The following LAMA4 variants were observed in gnomAD, a reference collection of about 807,000 sequenced individuals.
LAMA4 encodes laminin subunit alpha 4, also known as laminin subunit alpha-4.
Under a neutral mutation model 207.1 loss-of-function variants are expected in LAMA4, and 127 were observed. The observed-to-expected ratio is 0.61, with a 90% confidence interval of 0.53 to 0.71. LAMA4 has a LOEUF of 0.71. Ranked by LOEUF, LAMA4 falls within the 30% of genes least tolerant of loss-of-function variation. The pLI, the probability that LAMA4 is intolerant of heterozygous loss-of-function variation, is 0.00. For missense variants in LAMA4, 2,093 were observed against 2,246.5 expected, an observed-to-expected ratio of 0.93 and a Z score of 1.38; for synonymous variants, 761 against 816.0, an observed-to-expected ratio of 0.93 and a Z score of 1.15.
intron 13 of LAMA4, among the ~76,000 whole-genome samples, chr6:112,160,108 T>C (rs929461233): frequency 6.6e-5 from 10 of 152,282 alleles, no homozygotes; most frequent in Admixed American, 4.6e-4. Context: ...TTGGTCTCTG[T>C]ATTTACTATT....
intron 12 of LAMA4, 39 bp from the exon 13 acceptor site, chr6:112,165,315 G>T: frequency 1.5e-6 from 2 of 1,327,650 alleles, no homozygotes; most frequent in Non-Finnish European, 2.2e-6. Flanking sequence ...AAGTGAATAT[G>T]TCTTTAGGGA....
chr6:112,165,670 C>T (rs1260642887), intron 12 of LAMA4, among the ~76,000 whole-genome samples: 3 of 152,132 alleles, frequency 2.0e-5, no homozygotes, highest in Non-Finnish European at 2.9e-5. Flanking sequence ...TTATCATGTG[C>T]CAGCCTTGGG....
intron 14 of LAMA4, 110 bp downstream of exon 14, chr6:112,158,622 C>A (rs1780867067): frequency 1.7e-6 from 2 of 1,150,588 alleles, no homozygotes; most frequent in Non-Finnish European, 2.6e-6. Context: ...CATACCCAAC[C>A]TTAATCAACC....
At chr6:112,121,643 T>G (rs1261160335) in intron 32 of LAMA4, 1 of 299,840 alleles carries the variant, frequency 3.3e-6, no homozygotes, top group Non-Finnish European at 6.4e-6. Flanking sequence ...ATTAACCTTT[T>G]AGCAGTTCAA....
chr6:112,254,910 G>A (rs1427836542), upstream of LAMA4: 1 of 152,340 alleles, frequency 6.6e-6, no homozygotes, highest in Non-Finnish European at 1.5e-5. Flanking sequence ...TCTTGAGCAA[G>A]GTTTCTCGGG....
chr6:112,142,091 T>C, intron 20 of LAMA4, 28 bp downstream of exon 20: 1 of 1,612,542 alleles, frequency 6.2e-7, no homozygotes, highest in Non-Finnish European at 8.5e-7. Flanking sequence ...GTAAATATTA[T>C]TCCCTCCTTT....
chr6:112,127,181 C>A (rs1040067800), intron 31 of LAMA4, among the ~76,000 whole-genome samples: 2 of 151,892 alleles, frequency 1.3e-5, no homozygotes, highest in African/African-American at 2.4e-5. Flanking sequence ...AATGAATGAG[C>A]TTGCATTTAG....
chr6:112,134,446 C>G, intron 26 of LAMA4, 21 bp downstream of exon 26: 3 of 1,612,732 alleles, frequency 1.9e-6, no homozygotes, highest in South Asian at 1.1e-5. Flanking sequence ...GAACAAACAG[C>G]TACTTAACAA....
chr6:112,212,226 A>AT (rs11343230), intron 3 of LAMA4, among the ~76,000 whole-genome samples: 6,098 of 143,556 alleles, frequency 0.042, 193 homozygotes, highest in African/African-American at 0.085. Flanking sequence ...AGTTTCTGTC[A>AT]TTTTTTTTTT....
intron 31 of LAMA4, among the ~76,000 whole-genome samples, chr6:112,128,502 T>C (rs1380244349): frequency 6.6e-6 from 1 of 152,160 alleles, no homozygotes; most frequent in African/African-American, 2.4e-5. Context: ...GAAATTGTTC[T>C]GTGTCTCTAT....
intron 17 of LAMA4, among the ~76,000 whole-genome samples, 200 bp from the exon 18 acceptor site, chr6:112,148,536 T>C (rs12526781): frequency 2.9e-4 from 44 of 152,310 alleles, no homozygotes; most frequent in Admixed American, 2.9e-3. Context: ...AGTAATTGTA[T>C]TTCCTATAAC....
Position 112,191,665 on chromosome 6 carries a change from C to T in LAMA4, c.689G>A (p.Gly230Glu). ...ACAGTTCTTGGCTATCCTGGCGTCC[C>T]CATAGTAGCCAGGAGCGCAACGTTC... is the stretch of plus-strand genomic sequence containing the variant. The part of the protein sequence containing the change: ...KCERCAPGYY[G>E]DARIAKNCAV... The change falls in exon 6 of 39, where the codon GGG becomes GAG. Residue 230 changes from glycine to glutamate, a missense_variant. Gly to Glu is a moderately conservative substitution (Grantham distance 98). Around this residue, in one of 3 missense-constraint regions of LAMA4, gnomAD observed 1,704 missense variants for 1,788.4 expected, o/e 0.95. Coordinates refer to ENST00000230538, the MANE Select transcript of LAMA4 (RefSeq NM_001105206.3). 6.2e-7 allele frequency: 1 copy of T among 1,613,890 alleles called. No individual in the cohort carries two copies. The highest frequency in any genetic ancestry group is 1.1e-5 in the South Asian group (1 of 91,056).
At chr6:112,201,182 T>C (rs1783726013) in intron 5 of LAMA4, among the ~76,000 whole-genome samples, 1 of 152,168 alleles carries the variant, frequency 6.6e-6, no homozygotes. Context: ...TTGTGGGTTG[T>C]TTTTTTCTAA....
chr6:112,191,498 C>T, intron 6 of LAMA4, 138 bp downstream of exon 6: 1 of 706,978 alleles, frequency 1.4e-6, no homozygotes, highest in Non-Finnish European at 2.5e-6. Flanking sequence ...ATGCATATTC[C>T]TGAGAATGTA....
At position 112,133,460 on chromosome 6, in the gene LAMA4, A is replaced by G; in HGVS notation, c.3585T>C (p.Asp1195=). ...CCTTCATGCATCCTCTGAAGTTGAT[A>G]TCTAGGGGAAGGTGTGCTCTGAGGG... ...SRALRAHLPL[D]INFRGCMKGF... is the part of the protein sequence containing the mutation. The change falls in exon 27 of 39, where the codon GAT becomes GAC. Residue 1195 remains aspartate (D), a synonymous_variant. Transcript: ENST00000230538. The G allele has an allele frequency of 6.2e-7, 1 of 1,613,714 alleles. No individual in the cohort carries two copies. The highest frequency in any genetic ancestry group is 8.5e-7 in the Non-Finnish European group (1 of 1,179,702).
At chr6:112,189,269 T>C in intron 6 of LAMA4, 64 bp from the exon 7 acceptor site, 1 of 1,155,762 alleles carries the variant, frequency 8.7e-7, no homozygotes, top group East Asian at 2.4e-5. Context: ...TGGCAATATT[T>C]TCCTGGTTTC....
In LAMA4 at chr6:112,128,976, G is replaced by C; in HGVS notation, c.4233C>G (p.Leu1411=). ...ATAAATTTTTTCCTTTTTTATGGAG[G>C]AGAAACAATGGTGAAGACTCAATGG... ...ECPIESSPLF[L]LHKKGKNLSK... is the part of the protein sequence containing the mutation. Residue 1411 remains leucine (L), a synonymous_variant, in exon 31 of 39, where the codon CTC becomes CTG. Coordinates refer to ENST00000230538, the MANE Select transcript of LAMA4 (RefSeq NM_001105206.3). 6.2e-7 allele frequency: 1 copy of C among 1,613,210 alleles called. No homozygotes were observed. Among genetic ancestry groups the C allele is most frequent in the Non-Finnish European group, 8.5e-7 (1 of 1,179,294 alleles).
intron 12 of LAMA4, among the ~76,000 whole-genome samples, chr6:112,170,031 C>G (rs1262219036): frequency 1.3e-5 from 2 of 152,190 alleles, no homozygotes; most frequent in African/African-American, 4.8e-5. Context: ...TTACAAAGGA[C>G]TTTTGGAGGT....
chr6:112,149,282 A>G (rs1780230330), intron 17 of LAMA4, among the ~76,000 whole-genome samples: 1 of 152,104 alleles, frequency 6.6e-6, no homozygotes, highest in African/African-American at 2.4e-5. Context: ...CCTAACCTTC[A>G]TGAACCTCAG....
Sources: gnomAD v4.1 joint callset for allele counts (sites outside exome capture counted in the v4.1 genomes callset) on GRCh38, gnomAD v4.1.1 for gene constraint, gnomAD v4.1.1 regional missense constraint, MANE v1.5 for transcripts, NCBI Gene and HGNC (gene_info 2026-07-23, HGNC 2026-07-21) for gene names.